The following PPP3CC variants were observed in gnomAD, a reference collection of about 807,000 sequenced individuals.
The protein encoded by PPP3CC is protein phosphatase 3 catalytic subunit gamma.
Under a neutral mutation model 60.3 loss-of-function variants are expected in PPP3CC, and 35 were observed. The ratio of observed to expected loss-of-function variants is 0.58; its 90% confidence interval spans 0.44 to 0.77. The LOEUF is 0.77. PPP3CC is among the 30% of genes least tolerant of loss of function. PPP3CC has a pLI of 0.00. For missense variants in PPP3CC, 570 were observed against 628.9 expected (o/e 0.91, Z 1.00); for synonymous variants, 206 against 224.3 (o/e 0.92, Z 0.73).
At chr8:22,538,370 TA>T (rs1275827633) in intron 12 of PPP3CC, among the ~76,000 whole-genome samples, 3 of 152,228 alleles carry the variant, frequency 2.0e-5, no homozygotes, top group African/African-American at 7.2e-5. Context: ...TTAAGGAGAT[TA>T]GAGAGGGTGT....
At position 22,522,739 on chromosome 8, in the gene PPP3CC, TA is replaced by T; in HGVS notation, c.935del (p.Asn312ThrfsTer7). The T allele has an allele frequency of 6.3e-7, 1 of 1,575,390 alleles. No individual in the cohort carries two copies. The highest frequency in any genetic ancestry group is 8.7e-7 in the Non-Finnish European group (1 of 1,145,358). On this transcript the variant is annotated frameshift_variant, in exon 8 of 14. Transcript: ENST00000240139. LOFTEE classifies it high-confidence loss of function. ...FSAPNYLDVY[N>X]NKAAVLKYEN... ...CTGCCCCCAATTACCTAGATGTCTA[TA>T]ACAATAAAGGTAAAGGAATCCAGCA...
intron 12 of PPP3CC, among the ~76,000 whole-genome samples, chr8:22,535,240 A>T (rs1444755479): frequency 5.9e-5 from 9 of 152,190 alleles, no homozygotes; most frequent in Non-Finnish European, 1.0e-4. Context: ...ACCAATTCTG[A>T]AATTTACCCA....
intron 3 of PPP3CC, among the ~76,000 whole-genome samples, chr8:22,489,484 T>C (rs1294429080): frequency 6.7e-6 from 1 of 150,362 alleles, no homozygotes. Flanking sequence ...TTGTCAACAG[T>C]GCCTGTGTTA....
chr8:22,531,282 G>C (rs1839709164), intron 10 of PPP3CC: 12 of 1,524,792 alleles, frequency 7.9e-6, no homozygotes, highest in Non-Finnish European at 1.1e-5. Flanking sequence ...CTTGTTTCTT[G>C]GTGTTTCTTC....
chr8:22,482,305 T>A (rs918066510), intron 3 of PPP3CC, among the ~76,000 whole-genome samples: 1 of 152,232 alleles, frequency 6.6e-6, no homozygotes, highest in African/African-American at 2.4e-5. Flanking sequence ...CTTTTTTTCA[T>A]ATATTTGTTG....
chr8:22,452,019 G>GTGTT (rs1554527511), intron 1 of PPP3CC, among the ~76,000 whole-genome samples: 1 of 143,536 alleles, frequency 7.0e-6, no homozygotes, highest in Non-Finnish European at 1.5e-5. Flanking sequence ...GTGCATAATG[G>GTGTT]TTTTTTTTTT....
chr8:22,473,942 T>C (rs1004029206), intron 1 of PPP3CC, among the ~76,000 whole-genome samples: 7 of 152,172 alleles, frequency 4.6e-5, no homozygotes, highest in African/African-American at 1.7e-4. Context: ...TTGCCCAGGC[T>C]GGAGTTCAGT....
intron 3 of PPP3CC, chr8:22,492,680 G>T: frequency 1.2e-6 from 1 of 800,268 alleles, no homozygotes; most frequent in Non-Finnish European, 2.1e-6. Context: ...GCGCATTGGT[G>T]GGAAAGAAAT....
At chr8:22,526,805 G>A (rs1839572790) in intron 8 of PPP3CC, among the ~76,000 whole-genome samples, 1 of 152,236 alleles carries the variant, frequency 6.6e-6, no homozygotes, top group African/African-American at 2.4e-5. Flanking sequence ...ATACACTGCT[G>A]TGTATTGGAG....
intron 9 of PPP3CC, among the ~76,000 whole-genome samples, chr8:22,527,928 C>G (rs1283556596): frequency 6.6e-6 from 1 of 152,144 alleles, no homozygotes; most frequent in Non-Finnish European, 1.5e-5. Context: ...AGCCACCGTG[C>G]CCAGCCTCTA....
intron 11 of PPP3CC, among the ~76,000 whole-genome samples, 176 bp downstream of exon 11, chr8:22,532,482 T>C (rs1839742927): frequency 6.6e-6 from 1 of 152,194 alleles, no homozygotes; most frequent in African/African-American, 2.4e-5. Context: ...CAAACATTGA[T>C]TTGTTAGTAG....
chr8:22,505,702 C>A (rs556061212), intron 4 of PPP3CC, among the ~76,000 whole-genome samples: 1 of 151,986 alleles, frequency 6.6e-6, no homozygotes, highest in South Asian at 2.1e-4. Flanking sequence ...ACATAGGAGC[C>A]GCTATAAGGA....
At chr8:22,477,649 A>G (rs889665500) in intron 3 of PPP3CC, among the ~76,000 whole-genome samples, 1 of 151,858 alleles carries the variant, frequency 6.6e-6, no homozygotes, top group African/African-American at 2.4e-5. Context: ...TTTTTTAGAG[A>G]TGGGGTCCTG....
chr8:22,529,320 A>G (rs1239057327), intron 10 of PPP3CC, among the ~76,000 whole-genome samples: 2 of 152,376 alleles, frequency 1.3e-5, no homozygotes, highest in East Asian at 1.9e-4. Flanking sequence ...TGCAGGATGC[A>G]TAGTCACAGT....
intron 10 of PPP3CC, among the ~76,000 whole-genome samples, chr8:22,529,476 CA>C (rs1839644611): frequency 6.6e-6 from 1 of 151,900 alleles, no homozygotes; most frequent in Admixed American, 6.6e-5. Flanking sequence ...TGTGACTTGT[CA>C]ATTCATATCT....
intron 1 of PPP3CC, among the ~76,000 whole-genome samples, chr8:22,464,597 G>T (rs1000752993): frequency 5.3e-5 from 8 of 152,116 alleles, no homozygotes; most frequent in African/African-American, 1.7e-4. Context: ...GCGCAGGCTG[G>T]TCTCGAACTC....
At position 22,441,417 on chromosome 8, in the gene PPP3CC, G is replaced by A; in HGVS notation, c.8G>A (p.Gly3Glu). 1 of 1,545,940 alleles carries A rather than the reference G, an allele frequency of 6.5e-7. No homozygotes were observed. The highest frequency in any genetic ancestry group is 8.7e-7 in the Non-Finnish European group (1 of 1,146,196). ...GAGGAGGCCGAGGGGACCATGTCCG[G>A]GAGGCGCTTCCACCTCTCCACCACC... is the stretch of plus-strand genomic sequence containing the variant. MS[G>E]RRFHLSTTDR... Residue 3 changes from glycine to glutamate, a missense_variant, in exon 1 of 14, where the codon GGG (glycine) becomes GAG (glutamate). Physicochemically the swap from Gly to Glu is moderately conservative, Grantham distance 98. Transcript: ENST00000240139.
At chr8:22,530,262 CT>C (rs1214372302) in intron 10 of PPP3CC, among the ~76,000 whole-genome samples, 1 of 152,132 alleles carries the variant, frequency 6.6e-6, no homozygotes, top group Non-Finnish European at 1.5e-5. Context: ...GAATATCCCC[CT>C]GGGCAACATG....
At chr8:22,481,371 A>AT (rs1554533272) in intron 3 of PPP3CC, among the ~76,000 whole-genome samples, 3 of 148,604 alleles carry the variant, frequency 2.0e-5, no homozygotes, top group African/African-American at 7.4e-5. Context: ...AATAATAATA[A>AT]TAATAATAAT....
Sources: allele counts gnomAD v4.1 joint callset (sites outside exome capture counted in the v4.1 genomes callset), GRCh38; gene constraint gnomAD v4.1.1; transcripts MANE v1.5; gene names NCBI Gene and HGNC (gene_info 2026-07-23, HGNC 2026-07-21).